Variants in COL5A1 observed in about 807,000 individuals in gnomAD.
COL5A1 encodes the protein collagen alpha-1(V) chain.
In COL5A1, 16 loss-of-function variants were observed where a neutral mutation model predicts 263.7. The observed-to-expected ratio is 0.06, with a 90% CI of 0.04 to 0.09. COL5A1 has a LOEUF of 0.09. COL5A1 is among the 10% of genes least tolerant of loss of function. The pLI is 1.00. For missense variants in COL5A1, 2,036 were observed against 2,540.5 expected (o/e 0.80, Z 4.27); for synonymous variants, 1,012 against 1,004.5 (o/e 1.01, Z -0.14).
chr9:134,824,928 G>T, intron 62 of COL5A1, 73 bp downstream of exon 62: 1 of 1,531,408 alleles, frequency 6.5e-7, no homozygotes, highest in East Asian at 2.4e-5. Context: ...AGTGTGGCAA[G>T]GACAGTTCAG....
intron 22 of COL5A1, 113 bp from the exon 23 acceptor site, chr9:134,766,887 G>A: frequency 2.0e-6 from 2 of 1,025,120 alleles, no homozygotes; most frequent in South Asian, 1.4e-5. Flanking sequence ...CTGGCATTAG[G>A]CAGTGGGGAG....
intron 14 of COL5A1, 92 bp from the exon 15 acceptor site, chr9:134,753,758 C>A: frequency 1.4e-6 from 1 of 708,472 alleles, no homozygotes; most frequent in East Asian, 3.2e-5. Flanking sequence ...GCCCTGTCCC[C>A]TCCCCCTGCC....
chr9:134,672,749 A>G (rs1362168740), intron 1 of COL5A1, among the ~76,000 whole-genome samples: 1 of 152,250 alleles, frequency 6.6e-6, no homozygotes, highest in African/African-American at 2.4e-5. Context: ...TGCAGATCAC[A>G]TTAGTGACTA....
intron 4 of COL5A1, among the ~76,000 whole-genome samples, chr9:134,717,907 G>C (rs1177934203): frequency 6.6e-6 from 1 of 152,114 alleles, no homozygotes; most frequent in Non-Finnish European, 1.5e-5. Context: ...TCAACCCAGG[G>C]ATGGGGGATG....
intron 1 of COL5A1, among the ~76,000 whole-genome samples, chr9:134,671,988 G>A (rs1294388681): frequency 6.6e-6 from 1 of 152,250 alleles, no homozygotes; most frequent in Non-Finnish European, 1.5e-5. Flanking sequence ...TTGGTGTGGG[G>A]GGGCCCACTT....
intron 65 of COL5A1, among the ~76,000 whole-genome samples, chr9:134,839,298 T>C (rs1256899717): frequency 2.0e-5 from 3 of 152,192 alleles, no homozygotes; most frequent in Non-Finnish European, 2.9e-5. Flanking sequence ...GTAATGGTTA[T>C]TTATACCCCT....
rs1004607350 is a variant in COL5A1, at chr9:134,764,416, G to C, written c.2034+679G>C. 1.6e-4 allele frequency among the ~76,000 whole-genome samples: 9 copies of C among 57,630 alleles called. No homozygotes were observed. The South Asian group carries it at 5.3e-3, about 34-fold the overall frequency. The allele number at this position is 57,630 out of a possible 152,430, so 37.8% of individuals were successfully genotyped here. On this transcript the variant is annotated intron_variant, in intron 20 of 65. Transcript: ENST00000371817. ...GCACAGTGGCATCCAGGGGCATTGT[G>C]GGGGGGGTCACACACCTGAATCAGC...
chr9:134,722,155 C>T (rs1024383487), intron 4 of COL5A1, among the ~76,000 whole-genome samples: 10 of 152,330 alleles, frequency 6.6e-5, no homozygotes, highest in South Asian at 6.2e-4. Flanking sequence ...GAACGAAGCA[C>T]GTGCATTTGC....
At position 134,843,698 on chromosome 9, in the gene COL5A1, T is replaced by G. The variant is rs181445514; in HGVS notation, c.*1395T>G. On this transcript the variant is annotated 3_prime_UTR_variant, in exon 66 of 66. Coordinates refer to ENST00000371817, the MANE Select transcript of COL5A1 (RefSeq NM_000093.5). The stretch of plus-strand genomic sequence containing the variant: ...GTGGTGTGACCATAGCAGATTATAT[T>G]TGGTTCCTGAATGTTTGTGGTGCTA... The G allele has an allele frequency of 1.3e-5, 2 of 152,686 alleles. No homozygotes were observed. The highest frequency in any genetic ancestry group is 4.8e-5 in the African/African-American group (2 of 41,466). 9.5% of individuals were successfully genotyped at this position (152,686 alleles called of 1,614,324 possible).
intron 18 of COL5A1, among the ~76,000 whole-genome samples, chr9:134,759,369 C>T (rs998479994): frequency 1.7e-5 from 2 of 117,096 alleles, no homozygotes; most frequent in African/African-American, 4.1e-5. Flanking sequence ...TACACAGATG[C>T]ACACACACCA....
rs780247728 is a variant in COL5A1, at chr9:134,727,330, A to G, written c.719A>G (p.Tyr240Cys). Residue 240 changes from tyrosine (Y) to cysteine (C), a missense_variant, in exon 5 of 66, where the codon TAC (tyrosine) becomes TGC (cysteine). Physicochemically the swap from Tyr to Cys is radical, Grantham distance 194. This residue lies in a region of COL5A1 where 600 missense variants were observed against 634.5 expected (regional missense o/e 0.95). Transcript: ENST00000371817. ...HRAAYDYCEH[Y>C]SPDCDTAVPD... ...GCAGCTTATGATTACTGTGAGCACT[A>G]CAGCCCTGACTGTGACACCGCAGTA... 1.9e-6 allele frequency: 3 copies of G among 1,613,886 alleles called. No homozygotes were observed.
intron 11 of COL5A1, among the ~76,000 whole-genome samples, chr9:134,744,484 C>G (rs536741756): frequency 6.6e-6 from 1 of 151,256 alleles, no homozygotes; most frequent in Non-Finnish European, 1.5e-5. Context: ...CGTATGCATG[C>G]ACAGTCACCC....
intron 42 of COL5A1, among the ~76,000 whole-genome samples, chr9:134,807,722 A>G (rs1838347097): frequency 6.6e-6 from 1 of 152,222 alleles, no homozygotes; most frequent in Non-Finnish European, 1.5e-5. Context: ...AATCTGTTCA[A>G]TACATTATTG....
chr9:134,786,460 G>T (rs3128621), intron 31 of COL5A1, among the ~76,000 whole-genome samples: 56,044 of 152,046 alleles, frequency 0.37, 12,156 homozygotes, highest in Admixed American at 0.49. Flanking sequence ...GGTCCTTCTG[G>T]GATCCTCCTG....
chr9:134,767,051 C>G lies in COL5A1; in HGVS notation c.2185C>G (p.Gln729Glu). 6.2e-7 allele frequency: 1 copy of G among 1,613,356 alleles called. No homozygotes were observed. The highest frequency in any genetic ancestry group is 1.1e-5 in the South Asian group (1 of 90,952). The change falls in exon 23 of 66, where the codon CAG becomes GAG. Residue 729 changes from glutamine to glutamate, a missense_variant and splice_region_variant. By Grantham distance (29) the Gln-to-Glu change is conservative. Around this residue, in one of 3 missense-constraint regions of COL5A1, gnomAD observed 1,078 missense variants for 1,521.4 expected, o/e 0.71. Coordinates refer to ENST00000371817, the MANE Select transcript of COL5A1 (RefSeq NM_000093.5). The stretch of plus-strand genomic sequence containing the variant: ...AGGACAGCAGGGTAATCCAGGCGCC[C>G]AGGTAAGTGAGCCTGAGAGAGGCAG... Reference protein sequence around the residue: ...PPGQQGNPGAQGLPGPQGAIG... With the variant: ...PPGQQGNPGAEGLPGPQGAIG...
chr9:134,812,671 C>T lies in COL5A1; in HGVS notation c.3811C>T (p.Pro1271Ser), dbSNP rs1425946033. The change falls in exon 48 of 66, where the codon CCC becomes TCC. Residue 1271 changes from proline to serine, a missense_variant. Transcript: ENST00000371817. ...TCCAGGTGCTGATGGCCCACAAGGT[C>T]CCCCAGGTGGAATAGGAAACCCTGG... ...GAPGADGPQG[P>S]PGGIGNPGAV... 3.1e-6 allele frequency: 5 copies of T among 1,593,432 alleles called. No homozygotes were observed. Among genetic ancestry groups the T allele is most frequent in the African/African-American group, 1.3e-5 (1 of 74,766 alleles).
intron 2 of COL5A1, among the ~76,000 whole-genome samples, chr9:134,699,548 A>G (rs893955968): frequency 6.0e-5 from 9 of 150,210 alleles, no homozygotes; most frequent in Non-Finnish European, 1.0e-4. Flanking sequence ...CCTCAGAAGC[A>G]GCCTCCATCC....
intron 1 of COL5A1, among the ~76,000 whole-genome samples, chr9:134,673,763 T>C (rs879768141): frequency 1.5e-4 from 23 of 152,170 alleles, no homozygotes; most frequent in Non-Finnish European, 2.8e-4. Context: ...AAAGACACTG[T>C]TGGAAAATGG....
intron 18 of COL5A1, among the ~76,000 whole-genome samples, chr9:134,761,714 C>T (rs1415401644): frequency 1.3e-5 from 2 of 152,188 alleles, no homozygotes; most frequent in Non-Finnish European, 2.9e-5. Flanking sequence ...ACCTTCAGGC[C>T]ATCGTGGTGA....
Sources: gnomAD v4.1 joint callset for allele counts (sites outside exome capture counted in the v4.1 genomes callset) on GRCh38, gnomAD v4.1.1 for gene constraint, gnomAD v4.1.1 regional missense constraint, MANE v1.5 for transcripts, NCBI Gene and HGNC (gene_info 2026-07-23, HGNC 2026-07-21) for gene names.